The following CAMKMT variants were observed in gnomAD, a reference collection of about 807,000 sequenced individuals.
CAMKMT encodes the protein calmodulin-lysine N-methyltransferase, also known as CaM KMT.
CAMKMT carries 53 observed loss-of-function variants against 48.0 expected under a neutral mutation model. That is an observed-to-expected ratio of 1.10 (90% confidence interval 0.89 to 1.39). CAMKMT has a LOEUF of 1.39. Ranked by LOEUF, CAMKMT falls within the 40% of genes most tolerant of loss-of-function variation. The probability of loss-of-function intolerance (pLI) is 0.00; values close to 1 mark genes in which losing one functional copy is unlikely to be tolerated. For missense variants in CAMKMT, 428 were observed against 402.7 expected, an observed-to-expected ratio of 1.06 and a Z score of -0.54; for synonymous variants, 165 against 152.3, an observed-to-expected ratio of 1.08 and a Z score of -0.61.
intron 3 of CAMKMT, among the ~76,000 whole-genome samples, chr2:44,675,149 A>C (rs1041019586): frequency 6.6e-6 from 1 of 151,506 alleles, no homozygotes; most frequent in East Asian, 1.9e-4. Context: ...ACATTCCCTT[A>C]ATTCTCTCCC....
At chr2:44,479,703 C>T (rs1319097031) in intron 3 of CAMKMT, among the ~76,000 whole-genome samples, 3 of 152,150 alleles carry the variant, frequency 2.0e-5, no homozygotes, top group Non-Finnish European at 4.4e-5. Flanking sequence ...CTGTCACGAA[C>T]TCATGGAATC....
chr2:44,428,732 T>A (rs1487489285), intron 3 of CAMKMT, among the ~76,000 whole-genome samples: 1 of 152,232 alleles, frequency 6.6e-6, no homozygotes, highest in African/African-American at 2.4e-5. Context: ...TTTCTCAGAC[T>A]TCATACCACA....
chr2:44,681,476 A>T (rs181614345), intron 3 of CAMKMT, among the ~76,000 whole-genome samples: 84 of 152,070 alleles, frequency 5.5e-4, no homozygotes, highest in Admixed American at 9.8e-4. Context: ...TCGGCAACCA[A>T]ATCCTTATTT....
At chr2:44,573,538 T>C (rs907827908) in intron 3 of CAMKMT, among the ~76,000 whole-genome samples, 1 of 152,170 alleles carries the variant, frequency 6.6e-6, no homozygotes, top group Non-Finnish European at 1.5e-5. Flanking sequence ...TTTGATTTTT[T>C]AATTTTCTTA....
intron 7 of CAMKMT, among the ~76,000 whole-genome samples, chr2:44,741,868 T>C (rs1056002521): frequency 2.0e-5 from 3 of 152,238 alleles, no homozygotes; most frequent in African/African-American, 7.2e-5. Context: ...ACCACAGGAT[T>C]TCCTGCAGTC....
intron 3 of CAMKMT, among the ~76,000 whole-genome samples, chr2:44,593,279 A>G (rs1670423656): frequency 6.6e-6 from 1 of 152,100 alleles, no homozygotes; most frequent in Non-Finnish European, 1.5e-5. Flanking sequence ...AACACTGGAT[A>G]CTATTTCCTT....
At chr2:44,759,771 G>C (rs574874986) in intron 9 of CAMKMT, among the ~76,000 whole-genome samples, 5 of 152,138 alleles carry the variant, frequency 3.3e-5, no homozygotes, top group Admixed American at 1.3e-4. Flanking sequence ...CCCAGATGCT[G>C]TTCAGCACAT....
intron 10 of CAMKMT, among the ~76,000 whole-genome samples, chr2:44,768,650 C>T (rs1573261577): frequency 6.6e-6 from 1 of 152,164 alleles, no homozygotes; most frequent in African/African-American, 2.4e-5. Context: ...AGCACCCCTG[C>T]CCCTCCAGCC....
chr2:44,678,014 A>C (rs889338818), intron 3 of CAMKMT, among the ~76,000 whole-genome samples: 4 of 152,134 alleles, frequency 2.6e-5, no homozygotes, highest in African/African-American at 9.7e-5. Flanking sequence ...AAATTTTACA[A>C]TGGGAAATAA....
chr2:44,572,368 G>A (rs780287525), intron 3 of CAMKMT, among the ~76,000 whole-genome samples: 2 of 152,088 alleles, frequency 1.3e-5, no homozygotes, highest in South Asian at 2.1e-4. Context: ...CATATAAGAC[G>A]AATCATACAG....
At chr2:44,550,625 T>G (rs1667655979) in intron 3 of CAMKMT, 1 of 152,186 alleles carries the variant, frequency 6.6e-6, no homozygotes, top group African/African-American at 2.4e-5. Context: ...TTTTTTCTAT[T>G]CCATGTGGTG....
intron 8 of CAMKMT, among the ~76,000 whole-genome samples, chr2:44,749,859 C>T (rs1680081079): frequency 1.3e-5 from 2 of 152,126 alleles, no homozygotes; most frequent in African/African-American, 4.8e-5. Flanking sequence ...TGATGCAGGG[C>T]CCTAGAGTAG....
intron 3 of CAMKMT, among the ~76,000 whole-genome samples, chr2:44,398,732 A>G (rs1207344011): frequency 1.3e-5 from 1 of 79,578 alleles, no homozygotes; most frequent in African/African-American, 6.9e-5. Flanking sequence ...CTCAACTAAA[A>G]GGATGTTCTT....
chr2:44,758,705 T>C (rs1680484145), intron 9 of CAMKMT, among the ~76,000 whole-genome samples: 1 of 152,216 alleles, frequency 6.6e-6, no homozygotes, highest in African/African-American at 2.4e-5. Flanking sequence ...TTGCTGATGA[T>C]TGATAGGGTG....
At chr2:44,395,382 A>G (rs1442754438) in intron 3 of CAMKMT, among the ~76,000 whole-genome samples, 1 of 152,188 alleles carries the variant, frequency 6.6e-6, no homozygotes, top group African/African-American at 2.4e-5. Flanking sequence ...TATATAATGC[A>G]TCTATGTAGT....
At chr2:44,647,713 G>A (rs1350071216) in intron 3 of CAMKMT, among the ~76,000 whole-genome samples, 3 of 151,820 alleles carry the variant, frequency 2.0e-5, no homozygotes, top group African/African-American at 7.3e-5. Flanking sequence ...AGACCATCCT[G>A]GCTAACACGG....
At chr2:44,427,579 A>G (rs188462348) in intron 3 of CAMKMT, among the ~76,000 whole-genome samples, 25 of 152,346 alleles carry the variant, frequency 1.6e-4, no homozygotes, top group African/African-American at 4.6e-4. Context: ...AGGGATGCAC[A>G]TCGAAAACAC....
chr2:44,387,181 T>C (rs571837553), intron 2 of CAMKMT, among the ~76,000 whole-genome samples: 2 of 152,304 alleles, frequency 1.3e-5, no homozygotes, highest in East Asian at 1.9e-4. Flanking sequence ...AATTGTTTTA[T>C]AAATTTGGGA....
chr2:44,494,243 G>A lies in CAMKMT; in HGVS notation c.376+103938G>A, dbSNP rs556120054. Among the ~76,000 whole-genome samples the A allele has an allele frequency of 3.3e-5, 5 of 152,256 alleles. 1 individual carries two copies. In the South Asian group the frequency reaches 6.2e-4, roughly 19 times the overall value. On this transcript the variant is annotated intron_variant, in intron 3 of 10. Transcript: ENST00000378494. Reference sequence around the variant, plus strand: ...TCTTGGATGTCAGTAGACATGAACGGGAGGTACTGTATACAACAAGCTTAG... The same window carrying A: ...TCTTGGATGTCAGTAGACATGAACGAGAGGTACTGTATACAACAAGCTTAG...
Sources: gnomAD v4.1 joint callset for allele counts (sites outside exome capture counted in the v4.1 genomes callset) on GRCh38, gnomAD v4.1.1 for gene constraint, MANE v1.5 for transcripts, NCBI Gene and HGNC (gene_info 2026-07-23, HGNC 2026-07-21) for gene names.